Variants in KLHL13 observed in about 807,000 individuals in gnomAD.
KLHL13 encodes kelch-like protein 13.
A neutral mutation model predicts 37.1 loss-of-function variants in KLHL13; 10 were observed. The ratio of observed to expected loss-of-function variants is 0.27; its 90% CI spans 0.17 to 0.46. The LOEUF (loss-of-function observed/expected upper bound fraction) is 0.46. KLHL13 is among the 20% of genes least tolerant of loss of function. The pLI, the probability that KLHL13 is intolerant of heterozygous loss-of-function variation, is 1.00. For synonymous variants in KLHL13, 163 were observed against 181.2 expected (o/e 0.90, Z 0.81); for missense variants, 360 against 509.3 (o/e 0.71, Z 2.82).
chrX:118,109,770 T>C (rs2055386968), intron 1 of KLHL13, among the ~76,000 whole-genome samples: 1 of 112,246 alleles, frequency 8.9e-6, no homozygotes, highest in Admixed American at 9.4e-5. Flanking sequence ...TAATAAGTAT[T>C]TGTTGAATGA....
exon 7 of KLHL13, chrX:117,898,121 A>T (rs1201667858): frequency 1.8e-5 from 2 of 111,990 alleles, no homozygotes; most frequent in African/African-American, 6.5e-5. Flanking sequence ...TCCCATTTTA[A>T]TGGAAGCTGC....
chrX:118,036,565 T>C (rs2054444472), intron 1 of KLHL13, among the ~76,000 whole-genome samples: 1 of 111,911 alleles, frequency 8.9e-6, no homozygotes, highest in Non-Finnish European at 1.9e-5. Context: ...ACTGGATCCC[T>C]TCCTTATACC....
intron 1 of KLHL13, among the ~76,000 whole-genome samples, chrX:117,992,123 A>G (rs1455476630): frequency 9.1e-6 from 1 of 109,379 alleles, no homozygotes; most frequent in Admixed American, 9.8e-5. Context: ...TGGAGGTGAG[A>G]GAGAGCCTTT....
chrX:117,942,313 G>C (rs998789143), intron 2 of KLHL13, among the ~76,000 whole-genome samples: 22 of 111,664 alleles, frequency 2.0e-4, no homozygotes, highest in African/African-American at 7.2e-4. Flanking sequence ...TGTTCATTTG[G>C]GATGGAGAGT....
At chrX:117,900,379 C>T (rs769842309) in intron 6 of KLHL13, among the ~76,000 whole-genome samples, 31 of 112,105 alleles carry the variant, frequency 2.8e-4, no homozygotes, top group Non-Finnish European at 5.3e-4. Context: ...TTTCTAACCA[C>T]TCTTGATTGG....
chrX:117,914,020 C>T (rs1372877336), intron 4 of KLHL13, among the ~76,000 whole-genome samples: 1 of 110,438 alleles, frequency 9.1e-6, no homozygotes, highest in Non-Finnish European at 1.9e-5. Context: ...AAGGCACTTC[C>T]AACATCATAA....
chrX:118,031,325 C>T (rs1484633167), intron 1 of KLHL13, among the ~76,000 whole-genome samples: 2 of 106,646 alleles, frequency 1.9e-5, no homozygotes, highest in Non-Finnish European at 3.8e-5. Flanking sequence ...TTTCCATTAC[C>T]TTACTCTCTT....
intron 5 of KLHL13, among the ~76,000 whole-genome samples, chrX:117,908,279 A>T (rs951938343): frequency 1.9e-5 from 2 of 107,150 alleles, no homozygotes; most frequent in African/African-American, 6.8e-5. Context: ...GTTCTGGGGT[A>T]CATGTGCAGA....
chrX:117,963,000 T>A (rs1025359325), intron 1 of KLHL13, among the ~76,000 whole-genome samples: 11 of 112,316 alleles, frequency 9.8e-5, no homozygotes, highest in Non-Finnish European at 2.1e-4. Context: ...TATGCTAAAC[T>A]AGGACATTTT....
intron 1 of KLHL13, among the ~76,000 whole-genome samples, chrX:118,030,011 T>A (rs193172036): frequency 9.1e-6 from 1 of 110,219 alleles, no homozygotes; most frequent in Non-Finnish European, 1.9e-5. Context: ...AAAAAGAAGT[T>A]ATGTGAAGAT....
At chrX:117,919,494 G>GA (rs772835120) in intron 4 of KLHL13, 27 bp downstream of exon 5, 2 of 1,146,562 alleles carry the variant, frequency 1.7e-6, no homozygotes, top group African/African-American at 1.8e-5. Context: ...TCTACCACAG[G>GA]AAAAATCAGA....
chrX:117,898,657 C>A (rs965465860), exon 7 of KLHL13: 2 of 332,654 alleles, frequency 6.0e-6, no homozygotes, highest in Admixed American at 1.1e-4. Flanking sequence ...ATTTTATAGA[C>A]AATACTTTTT....
chrX:118,051,582 T>A (rs1431965763), intron 1 of KLHL13, among the ~76,000 whole-genome samples: 2 of 110,352 alleles, frequency 1.8e-5, no homozygotes, highest in African/African-American at 6.6e-5. Flanking sequence ...AAAATAAAAT[T>A]TTATGGAAGC....
At chrX:118,084,443 C>A (rs2055031385) in intron 1 of KLHL13, among the ~76,000 whole-genome samples, 1 of 111,902 alleles carries the variant, frequency 8.9e-6, no homozygotes. Context: ...CATCACAATG[C>A]TACAAAGATT....
At chrX:117,973,215 T>A (rs1431933178) in exon 1 of KLHL13, 16 of 941,444 alleles carry the variant, frequency 1.7e-5, no homozygotes, top group South Asian at 4.7e-5. Flanking sequence ...ACTGCAGCAC[T>A]GTACTATATT....
intron 1 of KLHL13, among the ~76,000 whole-genome samples, chrX:118,096,294 T>C (rs1455843288): frequency 4.5e-5 from 5 of 111,445 alleles, no homozygotes; most frequent in Non-Finnish European, 7.5e-5. Context: ...GAGAATACTA[T>C]AAACACCTCT....
At chrX:117,930,660 C>A (rs748114970) in intron 2 of KLHL13, among the ~76,000 whole-genome samples, 1 of 111,298 alleles carries the variant, frequency 9.0e-6, no homozygotes. Flanking sequence ...AAAGGGAAAG[C>A]GGCAGACAGT....
intron 1 of KLHL13, among the ~76,000 whole-genome samples, chrX:118,087,114 A>C (rs1019500938): frequency 9.0e-6 from 1 of 111,405 alleles, no homozygotes; most frequent in Non-Finnish European, 1.9e-5. Flanking sequence ...GTTTAGGCAA[A>C]ATTTGAAATA....
intron 1 of KLHL13, among the ~76,000 whole-genome samples, chrX:118,010,117 T>C (rs1471799978): frequency 2.0e-5 from 2 of 102,503 alleles, no homozygotes; most frequent in African/African-American, 3.6e-5. Context: ...TGTGGAGAAA[T>C]AGGAACACTT....
Sources: allele counts gnomAD v4.1 joint callset (sites outside exome capture counted in the v4.1 genomes callset), GRCh38; gene constraint gnomAD v4.1.1; transcripts MANE v1.5; gene names NCBI Gene and HGNC (gene_info 2026-07-23, HGNC 2026-07-21).